CCDC175: variants seen among roughly 807,000 people sequenced by gnomAD.
CCDC175 encodes the protein coiled-coil domain-containing protein 175.
Under a neutral mutation model 114.6 loss-of-function variants are expected in CCDC175, and 100 were observed. The ratio of observed to expected loss-of-function variants is 0.87; its 90% CI spans 0.74 to 1.03. CCDC175 has a LOEUF of 1.03. Among genes scored for constraint, CCDC175 ranks in the 50% least tolerant of loss-of-function variants. The pLI, the probability that CCDC175 is intolerant of heterozygous loss-of-function variation, is 0.00. For missense variants in CCDC175, 880 were observed against 917.8 expected, an observed-to-expected ratio of 0.96 and a Z score of 0.53; for synonymous variants, 306 against 308.7, an observed-to-expected ratio of 0.99 and a Z score of 0.09.
intron 12 of CCDC175, among the ~76,000 whole-genome samples, chr14:59,538,443 G>A (rs1232774130): frequency 2.0e-5 from 3 of 152,184 alleles, no homozygotes; most frequent in Admixed American, 6.5e-5. Flanking sequence ...CATATTTTTA[G>A]AGGTAATTCC....
intron 9 of CCDC175, among the ~76,000 whole-genome samples, 155 bp from the exon 10 acceptor site, chr14:59,543,609 A>C (rs1894921597): frequency 2.0e-5 from 3 of 152,234 alleles, no homozygotes; most frequent in Admixed American, 2.0e-4. Flanking sequence ...AGTGGTAGCT[A>C]GATCTAAATT....
At chr14:59,573,516 T>C (rs1483609943) in intron 2 of CCDC175, among the ~76,000 whole-genome samples, 1 of 152,172 alleles carries the variant, frequency 6.6e-6, no homozygotes, top group Admixed American at 6.5e-5. Context: ...ATAGTGATTA[T>C]TTTAATGTGG....
At chr14:59,554,677 G>A (rs1394837867) in intron 7 of CCDC175, among the ~76,000 whole-genome samples, 1 of 152,262 alleles carries the variant, frequency 6.6e-6, no homozygotes, top group East Asian at 1.9e-4. Flanking sequence ...GAATCCAGGA[G>A]CTGGTTTTTT....
intron 11 of CCDC175, among the ~76,000 whole-genome samples, chr14:59,539,278 G>A (rs1894610058): frequency 6.6e-6 from 1 of 152,170 alleles, no homozygotes; most frequent in Non-Finnish European, 1.5e-5. Context: ...TTGAAGAATG[G>A]TAAAAATGTG....
intron 2 of CCDC175, 74 bp downstream of exon 2, chr14:59,574,869 G>T: frequency 2.6e-6 from 2 of 777,304 alleles, no homozygotes; most frequent in Non-Finnish European, 2.1e-6. Flanking sequence ...ACTTTGAACA[G>T]AATTGGTGCG....
intron 16 of CCDC175, among the ~76,000 whole-genome samples, chr14:59,523,704 A>T (rs376536981): frequency 2.3e-4 from 35 of 152,188 alleles, no homozygotes; most frequent in South Asian, 2.1e-4. Context: ...AAGAAGTCAC[A>T]TTCAGCCGGG....
chr14:59,534,056 C>T (rs2140014409), intron 13 of CCDC175, among the ~76,000 whole-genome samples: 1 of 151,320 alleles, frequency 6.6e-6, no homozygotes, highest in African/African-American at 2.4e-5. Context: ...CAAGAATAGC[C>T]TGTAAATACA....
chr14:59,537,809 AGT>A (rs1183865692), intron 13 of CCDC175, among the ~76,000 whole-genome samples: 1 of 152,126 alleles, frequency 6.6e-6, no homozygotes, highest in African/African-American at 2.4e-5. Context: ...CATAATTTGA[AGT>A]GTGATTATTA....
chr14:59,513,876 C>T (rs894505538), intron 17 of CCDC175, among the ~76,000 whole-genome samples: 12 of 152,236 alleles, frequency 7.9e-5, no homozygotes, highest in African/African-American at 2.6e-4. Flanking sequence ...TCCTCAAGCA[C>T]GTCCTTGACC....
intron 2 of CCDC175, among the ~76,000 whole-genome samples, chr14:59,574,582 A>C (rs898096364): frequency 6.6e-6 from 1 of 152,188 alleles, no homozygotes. Context: ...TTTATTCCAG[A>C]GATTGTGTGT....
rs949963590 is a variant in CCDC175 at position 59,525,708 on chromosome 14, G to A, written c.1843-274C>T. Among the ~76,000 whole-genome samples the A allele has an allele frequency of 8.6e-5, 13 of 152,014 alleles. No individual in the cohort carries two copies. The East Asian group carries it at 2.3e-3, about 27-fold the overall frequency. The stretch of plus-strand genomic sequence containing the variant: ...TCAGCCCTCTGTATCCGTGGGTTCC[G>A]CATTTGTGGATTTGACTAAACATGA... On this transcript the variant is annotated intron_variant, in intron 15 of 19. Transcript: ENST00000537690.
intron 8 of CCDC175, among the ~76,000 whole-genome samples, chr14:59,545,763 T>C (rs1169163407): frequency 2.0e-5 from 3 of 152,216 alleles, no homozygotes; most frequent in Admixed American, 6.5e-5. Flanking sequence ...TTTTTGCTTA[T>C]TAAATTGCTT....
In CCDC175 at chr14:59,505,155, A is replaced by T; in HGVS notation, c.*84T>A. On this transcript the variant is annotated 3_prime_UTR_variant, in exon 20 of 20. Coordinates refer to ENST00000537690, the MANE Select transcript of CCDC175 (RefSeq NM_001164399.2). ...ATTTTAAATGTTTAAGACTTCTATT[A>T]ACAGCTGCAAAATATGAAAGTAAGT... 1 of 600,670 alleles carries T rather than the reference A, an allele frequency of 1.7e-6. No homozygotes were observed. Among genetic ancestry groups the T allele is most frequent in the Non-Finnish European group, 2.7e-6 (1 of 369,454 alleles). The allele number at this position is 600,670 out of a possible 1,614,324, so 37.2% of individuals were successfully genotyped here.
chr14:59,571,823 C>CA (rs915505228), intron 3 of CCDC175, among the ~76,000 whole-genome samples: 26 of 151,776 alleles, frequency 1.7e-4, no homozygotes, highest in South Asian at 6.2e-4. Context: ...CATAAATATA[C>CA]AAAAAAAATT....
intron 13 of CCDC175, among the ~76,000 whole-genome samples, chr14:59,537,188 G>GA (rs951231699): frequency 1.3e-4 from 20 of 152,072 alleles, no homozygotes; most frequent in African/African-American, 4.8e-4. Flanking sequence ...ATTTTTGTAT[G>GA]AAAAATGTGA....
chr14:59,552,324 C>A (rs1005189119), intron 7 of CCDC175, among the ~76,000 whole-genome samples: 7 of 152,248 alleles, frequency 4.6e-5, no homozygotes, highest in Non-Finnish European at 1.0e-4. Flanking sequence ...ATTCACTGTT[C>A]TGCAGCCTCC....
At chr14:59,520,931 C>T (rs1294524847) in intron 17 of CCDC175, among the ~76,000 whole-genome samples, 2 of 152,158 alleles carry the variant, frequency 1.3e-5, no homozygotes, top group African/African-American at 4.8e-5. Flanking sequence ...ATAGCATGTA[C>T]ATTTGTCAAA....
intron 15 of CCDC175, among the ~76,000 whole-genome samples, chr14:59,526,246 C>T (rs1001007468): frequency 6.6e-6 from 1 of 152,102 alleles, no homozygotes; most frequent in Admixed American, 6.5e-5. Flanking sequence ...TGTATATACA[C>T]TATACTTGTA....
chr14:59,515,407 G>A (rs1893016244), intron 17 of CCDC175, among the ~76,000 whole-genome samples: 1 of 152,204 alleles, frequency 6.6e-6, no homozygotes, highest in Non-Finnish European at 1.5e-5. Flanking sequence ...TCAGTGTGCT[G>A]TATTCAGGAG....
Sources: gnomAD v4.1 joint callset for allele counts (sites outside exome capture counted in the v4.1 genomes callset) on GRCh38, gnomAD v4.1.1 for gene constraint, MANE v1.5 for transcripts, NCBI Gene and HGNC (gene_info 2026-07-23, HGNC 2026-07-21) for gene names.